Variants in MAPKAP1 observed in about 807,000 individuals in gnomAD.
MAPKAP1 encodes the protein target of rapamycin complex 2 subunit MAPKAP1.
In MAPKAP1, 20 loss-of-function variants were observed where a neutral mutation model predicts 65.7. The observed-to-expected ratio is 0.30, with a 90% CI of 0.21 to 0.44. The LOEUF (loss-of-function observed/expected upper bound fraction) is 0.44. Among genes scored for constraint, MAPKAP1 ranks in the 20% least tolerant of loss-of-function variants. The pLI is 1.00. For synonymous variants in MAPKAP1, 222 were observed against 244.3 expected, an observed-to-expected ratio of 0.91 and a Z score of 0.85; for missense variants, 423 against 648.0, an observed-to-expected ratio of 0.65 and a Z score of 3.77.
At chr9:125,563,702 GTATTAT>G (rs113809428) in intron 5 of MAPKAP1, among the ~76,000 whole-genome samples, 82 of 112,412 alleles carry the variant, frequency 7.3e-4, no homozygotes, top group African/African-American at 1.3e-3. Flanking sequence ...AAAGCAAAGG[GTATTAT>G]TATTATTATT....
chr9:125,595,460 A>G lies in MAPKAP1; in HGVS notation c.499-9733T>C, dbSNP rs1485392738. On this transcript the variant is annotated intron_variant, in intron 4 of 11. Transcript: ENST00000265960. This position sits in a 1 kb window ranked among gnomAD's most constrained non-coding sequence, Gnocchi z 4.0. ...TTTCTCAGCTGATCCTATTAATTAAAATAATATACATTAGCTGCTTATCAT... is the reference window on the plus strand; with the variant it reads ...TTTCTCAGCTGATCCTATTAATTAAGATAATATACATTAGCTGCTTATCAT... 1 of 934,770 alleles carries G rather than the reference A, an allele frequency of 1.1e-6. No individual in the cohort carries two copies. Among genetic ancestry groups the G allele is most frequent in the Non-Finnish European group, 1.3e-6 (1 of 765,058 alleles). The allele number at this position is 934,770 out of a possible 1,614,324, so 57.9% of individuals were successfully genotyped here.
intron 8 of MAPKAP1, among the ~76,000 whole-genome samples, chr9:125,502,010 C>A (rs1828995745): frequency 6.6e-6 from 1 of 151,564 alleles, no homozygotes; most frequent in African/African-American, 2.4e-5. Flanking sequence ...CTATTCTTCT[C>A]TTTATTGCTT....
At chr9:125,536,754 T>C (rs1423165579) in intron 7 of MAPKAP1, among the ~76,000 whole-genome samples, 1 of 152,204 alleles carries the variant, frequency 6.6e-6, no homozygotes. Flanking sequence ...TTCAACCCTA[T>C]AGCCAGAAGA....
At chr9:125,514,070 C>T (rs1050331092) in intron 7 of MAPKAP1, among the ~76,000 whole-genome samples, 1 of 152,176 alleles carries the variant, frequency 6.6e-6, no homozygotes, top group African/African-American at 2.4e-5. Context: ...CATGTCCACC[C>T]CACACAGCCT....
At chr9:125,477,707 TG>T (rs1382709716) in intron 9 of MAPKAP1, among the ~76,000 whole-genome samples, 1 of 152,190 alleles carries the variant, frequency 6.6e-6, no homozygotes, top group Non-Finnish European at 1.5e-5. Flanking sequence ...TAATATACTG[TG>T]GGTTTCTTAG....
intron 10 of MAPKAP1, among the ~76,000 whole-genome samples, chr9:125,451,808 G>GTT (rs71374268): frequency 0.28 from 32,918 of 117,696 alleles, 6,045 homozygotes; most frequent in Non-Finnish European, 0.36. Context: ...ACTCACAGGA[G>GTT]TTTTTTTTTT....
chr9:125,482,072 C>T (rs1266649068), intron 9 of MAPKAP1, among the ~76,000 whole-genome samples: 1 of 145,050 alleles, frequency 6.9e-6, no homozygotes, highest in Non-Finnish European at 1.5e-5. Context: ...GCAGGGGCTG[C>T]AGTGAGCCGA....
At chr9:125,637,688 A>T (rs1330691022) in intron 4 of MAPKAP1, among the ~76,000 whole-genome samples, 2 of 152,212 alleles carry the variant, frequency 1.3e-5, no homozygotes, top group East Asian at 3.9e-4. Flanking sequence ...AACAAGAATA[A>T]AAAAATCTCT....
At chr9:125,526,217 A>C (rs1829763128) in intron 7 of MAPKAP1, among the ~76,000 whole-genome samples, 1 of 152,206 alleles carries the variant, frequency 6.6e-6, no homozygotes. Flanking sequence ...GGACTTTCCT[A>C]TGACCTCTTC....
intron 4 of MAPKAP1, among the ~76,000 whole-genome samples, chr9:125,637,187 T>G (rs750643850): frequency 1.3e-5 from 2 of 151,988 alleles, no homozygotes; most frequent in Non-Finnish European, 2.9e-5. Context: ...GAGAATCACT[T>G]GAACCCAGGA....
intron 1 of MAPKAP1, among the ~76,000 whole-genome samples, chr9:125,696,660 A>G (rs1186986568): frequency 6.6e-6 from 1 of 152,206 alleles, no homozygotes; most frequent in Non-Finnish European, 1.5e-5. Flanking sequence ...CAGCCAACAA[A>G]CTTATGTAAC....
chr9:125,545,606 A>G (rs1394567769), intron 6 of MAPKAP1, among the ~76,000 whole-genome samples: 1 of 152,142 alleles, frequency 6.6e-6, no homozygotes, highest in East Asian at 1.9e-4. Context: ...GTTCCCTCCT[A>G]ATCTGCTGCC....
At chr9:125,505,159 C>A (rs576014240) in intron 8 of MAPKAP1, among the ~76,000 whole-genome samples, 2 of 151,938 alleles carry the variant, frequency 1.3e-5, no homozygotes, top group Non-Finnish European at 2.9e-5. Flanking sequence ...CCGCCGGGCG[C>A]GGTGGCTCAC....
At chr9:125,576,996 G>C (rs1277744345) in intron 5 of MAPKAP1, among the ~76,000 whole-genome samples, 1 of 151,568 alleles carries the variant, frequency 6.6e-6, no homozygotes, top group Non-Finnish European at 1.5e-5. Flanking sequence ...TGGGATGTGA[G>C]GAGCCCCTCT....
intron 4 of MAPKAP1, among the ~76,000 whole-genome samples, chr9:125,586,470 C>T (rs1831789079): frequency 6.6e-6 from 1 of 152,034 alleles, no homozygotes; most frequent in East Asian, 1.9e-4. Flanking sequence ...AGGATACTGC[C>T]TCCTCTGCTG....
chr9:125,672,359 A>T lies in MAPKAP1; in HGVS notation c.216T>A (p.Ile72=). 5.0e-6 allele frequency: 8 copies of T among 1,614,240 alleles called. No individual in the cohort carries two copies. The highest frequency in any genetic ancestry group is 1.3e-5 in the African/African-American group (1 of 75,072). ...TAATACCAAAGTCCCAACTTGAGGT[A>T]ATATCGACTGACTGGGCATATACAT... is the stretch of plus-strand genomic sequence containing the variant. The part of the protein sequence containing the change: ...QGYVYAQSVD[I]TSSWDFGIRR... Residue 72 remains isoleucine (I), a synonymous_variant, in exon 2 of 12, where the codon ATT becomes ATA. Coordinates refer to ENST00000265960, the MANE Select transcript of MAPKAP1 (RefSeq NM_001006617.3).
chr9:125,444,449 AAG>A, intron 11 of MAPKAP1, 50 bp downstream of exon 11: 1 of 1,395,412 alleles, frequency 7.2e-7, no homozygotes, highest in Non-Finnish European at 1.0e-6. Context: ...AAACAGCCTG[AAG>A]AGAAGCTGGA....
intron 5 of MAPKAP1, among the ~76,000 whole-genome samples, chr9:125,578,333 C>A (rs1030202520): frequency 3.3e-5 from 5 of 151,852 alleles, no homozygotes; most frequent in Admixed American, 3.3e-4. Context: ...AACCAGAGAC[C>A]TTTGTTCACT....
chr9:125,671,511 T>C (rs546802325), intron 2 of MAPKAP1, among the ~76,000 whole-genome samples: 17 of 152,160 alleles, frequency 1.1e-4, no homozygotes, highest in Non-Finnish European at 2.4e-4. Flanking sequence ...TTATATTTTC[T>C]GATTATCTAA....
Sources: gnomAD v4.1 joint callset for allele counts (sites outside exome capture counted in the v4.1 genomes callset) on GRCh38, gnomAD v4.1.1 for gene constraint, Gnocchi (gnomAD v3.1) non-coding constraint, MANE v1.5 for transcripts, NCBI Gene and HGNC (gene_info 2026-07-23, HGNC 2026-07-21) for gene names.